LIMS2: variants seen among roughly 807,000 people sequenced by gnomAD.
LIMS2 encodes LIM and senescent cell antigen-like-containing domain protein 2.
Under a neutral mutation model 45.3 loss-of-function variants are expected in LIMS2, and 30 were observed. That is an observed-to-expected ratio of 0.66 (90% confidence interval 0.50 to 0.90). The LOEUF (loss-of-function observed/expected upper bound fraction) is 0.90. Ranked by LOEUF, LIMS2 falls within the 40% of genes least tolerant of loss-of-function variation. The pLI is 0.00. For missense variants in LIMS2, 485 were observed against 468.7 expected, an observed-to-expected ratio of 1.03 and a Z score of -0.32; for synonymous variants, 173 against 188.0, an observed-to-expected ratio of 0.92 and a Z score of 0.65.
In LIMS2 at chr2:127,675,118, G is replaced by C; in HGVS notation, c.-94C>G. ...AGCCGAGCGCCCGCCCGCCAGCCCG[G>C]GCCGCGGAGCAGGGAGACGCCCAAA... On this transcript the variant is annotated 5_prime_UTR_variant, in exon 1 of 10. Transcript: ENST00000355119. 1 of 1,182,116 alleles carries C rather than the reference G, an allele frequency of 8.5e-7. No individual in the cohort carries two copies. The highest frequency in any genetic ancestry group is 1.6e-5 in the African/African-American group (1 of 63,332). 73.2% of individuals were successfully genotyped at this position (1,182,116 alleles called of 1,614,324 possible). A position where few individuals can be genotyped will look rare whatever the true frequency, so the allele number is the denominator to read the frequency against.
At position 127,664,265 on chromosome 2, in the gene LIMS2, G is replaced by A. The variant is rs1019831924; in HGVS notation, c.12-6703C>T. Reference sequence around the variant, plus strand: ...GCCTGCCCTGCCGCCGCAGCTTTCCGGCCATTGTCCCCGCCACCCGCCCCG... The same window carrying A: ...GCCTGCCCTGCCGCCGCAGCTTTCCAGCCATTGTCCCCGCCACCCGCCCCG... On this transcript the variant is annotated intron_variant, in intron 1 of 9. Transcript: ENST00000355119. The surrounding 1 kb of genome is among the most constrained non-coding windows in gnomAD (Gnocchi z 5.5). The A allele has an allele frequency of 1.1e-4, 132 of 1,228,640 alleles. No individual in the cohort carries two copies. The highest frequency in any genetic ancestry group is 2.6e-4 in the Admixed American group (6 of 23,528). The allele number at this position is 1,228,640 out of a possible 1,614,324, so 76.1% of individuals were successfully genotyped here.
At chr2:127,681,389 G>A (rs1350146608) in exon 1 of LIMS2, 1 of 152,654 alleles carries the variant, frequency 6.6e-6, no homozygotes, top group Admixed American at 6.5e-5. Context: ...CAACTTCTCT[G>A]AGGGAAATAG....
chr2:127,659,995 G>A (rs1291834159), intron 1 of LIMS2, among the ~76,000 whole-genome samples: 3 of 152,032 alleles, frequency 2.0e-5, no homozygotes, highest in Admixed American at 1.3e-4. Context: ...TTCCTCCCTC[G>A]CCGTTTCATA....
chr2:127,660,671 C>G (rs1200872354), intron 1 of LIMS2, among the ~76,000 whole-genome samples: 3 of 151,094 alleles, frequency 2.0e-5, no homozygotes. Flanking sequence ...AACTGTAACA[C>G]TCACCGTGAG....
chr2:127,661,843 A>C (rs911602586), intron 1 of LIMS2, among the ~76,000 whole-genome samples: 2 of 152,190 alleles, frequency 1.3e-5, no homozygotes, highest in African/African-American at 4.8e-5. Flanking sequence ...TGAAGCACAG[A>C]GAGAGTCAGT....
rs559329042 is a variant in LIMS2, at chr2:127,664,766, C to T, written c.12-7204G>A. Among the ~76,000 whole-genome samples, 12 of 152,280 alleles carry T rather than the reference C, an allele frequency of 7.9e-5. No homozygotes were observed. In the South Asian group the frequency reaches 2.1e-3, roughly 26 times the overall value. On this transcript the variant is annotated intron_variant, in intron 1 of 9. Coordinates refer to ENST00000355119, the MANE Select transcript of LIMS2 (RefSeq NM_001161403.3). The surrounding 1 kb of genome is among the most constrained non-coding windows in gnomAD (Gnocchi z 5.5). ...ACCTGCCAGGAGGAAAGCCTGTGCC[C>T]GTGGACACACTGAGGAGGGCAGAGT...
upstream of LIMS2, among the ~76,000 whole-genome samples, chr2:127,677,721 G>A (rs1685534248): frequency 6.6e-6 from 1 of 152,210 alleles, no homozygotes; most frequent in Admixed American, 6.5e-5. The surrounding 1 kb of genome is among the most constrained non-coding windows in gnomAD (Gnocchi z 5.0). Flanking sequence ...CAACACTCTA[G>A]CATCAGCAGG....
intron 1 of LIMS2, among the ~76,000 whole-genome samples, chr2:127,673,162 G>A (rs1390381547): frequency 2.6e-5 from 4 of 152,204 alleles, no homozygotes; most frequent in Non-Finnish European, 5.9e-5. Flanking sequence ...TTGAAGGAGC[G>A]GGTGCATTAC....
At position 127,642,795 on chromosome 2, in the gene LIMS2, C is replaced by G. The variant is rs370715782; in HGVS notation, c.509+128G>C. 9.4e-7 allele frequency: 1 copy of G among 1,066,554 alleles called. No homozygotes were observed. The allele number at this position is 1,066,554 out of a possible 1,614,324, so 66.1% of individuals were successfully genotyped here. A position where few individuals can be genotyped will look rare whatever the true frequency, so the allele number is the denominator to read the frequency against. ...GCCCTGCAGCCTTGCTCTCGGGACCCCTCTGTCTGCCCACCCTGCTCCCCT... is the reference window on the plus strand; with the variant it reads ...GCCCTGCAGCCTTGCTCTCGGGACCGCTCTGTCTGCCCACCCTGCTCCCCT... On this transcript the variant is annotated intron_variant, in intron 5 of 9. Transcript: ENST00000355119. This position sits in a 1 kb window ranked among gnomAD's most constrained non-coding sequence, Gnocchi z 5.3.
chr2:127,671,974 G>A lies in LIMS2; in HGVS notation c.11+3040C>T, dbSNP rs1015714910. 1.2e-4 allele frequency among the ~76,000 whole-genome samples: 19 copies of A among 152,372 alleles called. No homozygotes were observed. The highest frequency in any genetic ancestry group is 4.3e-4 in the African/African-American group (18 of 41,592). ...CACCGGGCACACTCCTCACCCGGAG[G>A]AGGGGCAAGATTGGTGGATATGAGG... On this transcript the variant is annotated intron_variant, in intron 1 of 9. Transcript: ENST00000355119. This position sits in a 1 kb window ranked among gnomAD's most constrained non-coding sequence, Gnocchi z 4.1.
In LIMS2 at chr2:127,653,152, C is replaced by G. The variant is rs542220981; in HGVS notation, c.359+1272G>C. Among the ~76,000 whole-genome samples the G allele has an allele frequency of 2.6e-5, 4 of 152,330 alleles. No homozygotes were observed. In the East Asian group the frequency reaches 7.7e-4, roughly 29 times the overall value. On this transcript the variant is annotated intron_variant, in intron 4 of 9. Transcript: ENST00000355119. This position sits in a 1 kb window ranked among gnomAD's most constrained non-coding sequence, Gnocchi z 5.3. ...AGGACAGTGGGCCGGACGCCAGGCC[C>G]CAGGCCACGTGCCTCTCTCACGGGC...
In LIMS2 at chr2:127,653,013, C is replaced by CAG. The variant is rs1473319958; in HGVS notation, c.359+1410_359+1411insCT. Among the ~76,000 whole-genome samples the CAG allele has an allele frequency of 1.7e-4, 26 of 152,260 alleles. No individual in the cohort carries two copies. Among genetic ancestry groups the CAG allele is most frequent in the Non-Finnish European group, 2.9e-4 (20 of 68,050 alleles). On this transcript the variant is annotated intron_variant, in intron 4 of 9. Coordinates refer to ENST00000355119, the MANE Select transcript of LIMS2 (RefSeq NM_001161403.3). The surrounding 1 kb of genome is among the most constrained non-coding windows in gnomAD (Gnocchi z 5.3). ...CTCGCTCCACACACCCTGTCGGCGA[C>CAG]GTTGCTGGTCAGCACGAGCTCCTGG...
Position 127,675,175 on chromosome 2 carries a change from G to A in LIMS2, c.-151C>T, listed in dbSNP as rs1685454848. ...CAAGAGCCGCTCCGCCCGCGAGAGGGGTGGGCGGGGGTGGCAGGGTGGGGC... is the reference window on the plus strand; with the variant it reads ...CAAGAGCCGCTCCGCCCGCGAGAGGAGTGGGCGGGGGTGGCAGGGTGGGGC... On this transcript the variant is annotated 5_prime_UTR_variant, in exon 1 of 10. Coordinates refer to ENST00000355119, the MANE Select transcript of LIMS2 (RefSeq NM_001161403.3). The A allele has an allele frequency of 1.7e-6, 1 of 577,330 alleles. No homozygotes were observed. Among genetic ancestry groups the A allele is most frequent in the Non-Finnish European group, 2.5e-6 (1 of 395,436 alleles). The allele number at this position is 577,330 out of a possible 1,614,324, so 35.8% of individuals were successfully genotyped here.
rs371194243 is a variant in LIMS2, at chr2:127,657,394, T to C, written c.171+9A>G. The C allele has an allele frequency of 1.5e-5, 24 of 1,613,560 alleles. No individual in the cohort carries two copies. The highest frequency in any genetic ancestry group is 2.0e-5 in the Non-Finnish European group (24 of 1,179,978). On this transcript the variant is annotated intron_variant, in intron 2 of 9. Transcript: ENST00000355119. ...CTGGGTCTGAGAAAGCCCTCAGTAG[T>C]GTCCTCACCTCATAGAAGAGCCCCT...
At chr2:127,656,072 G>A (rs1468841257) in intron 2 of LIMS2, 1 of 152,250 alleles carries the variant, frequency 6.6e-6, no homozygotes, top group Admixed American at 6.5e-5. Flanking sequence ...ACAATGGACA[G>A]AAATAACCCC....
Position 127,642,878 on chromosome 2 carries a change from C to T in LIMS2, c.509+45G>A, listed in dbSNP as rs1682575754. 6.5e-7 allele frequency: 1 copy of T among 1,541,230 alleles called. No homozygotes were observed. Among genetic ancestry groups the T allele is most frequent in the Non-Finnish European group, 8.8e-7 (1 of 1,140,762 alleles). On this transcript the variant is annotated intron_variant, in intron 5 of 9. Transcript: ENST00000355119. The surrounding 1 kb of genome is among the most constrained non-coding windows in gnomAD (Gnocchi z 5.3). Reference sequence around the variant, plus strand: ...CCACCGCCCTTACCCTGGGCCAGCCCTGGCTCCCCGCCCCCACAACTGCAG... The same window carrying T: ...CCACCGCCCTTACCCTGGGCCAGCCTTGGCTCCCCGCCCCCACAACTGCAG...
Position 127,675,096 on chromosome 2 carries a change from C to T in LIMS2, c.-72G>A. On this transcript the variant is annotated 5_prime_UTR_variant, in exon 1 of 10. Transcript: ENST00000355119. The stretch of plus-strand genomic sequence containing the variant: ...TCCCTCTGCTGCTGCAGCCGCCAGC[C>T]GAGCGCCCGCCCGCCAGCCCGGGCC... 8.2e-7 allele frequency: 1 copy of T among 1,215,730 alleles called. No homozygotes were observed. 75.3% of individuals were successfully genotyped at this position (1,215,730 alleles called of 1,614,324 possible).
intron 4 of LIMS2, chr2:127,652,473 C>T (rs936774795): frequency 5.4e-5 from 9 of 167,030 alleles, no homozygotes; most frequent in African/African-American, 2.2e-4. Context: ...CAGCTCAGGC[C>T]AGGGCTGGGC....
intron 1 of LIMS2, among the ~76,000 whole-genome samples, chr2:127,670,681 A>T (rs1268128945): frequency 3.3e-5 from 5 of 152,232 alleles, no homozygotes; most frequent in African/African-American, 1.2e-4. Flanking sequence ...ATGCAACTAC[A>T]TGGCTTCTTA....
Sources: allele counts gnomAD v4.1 joint callset (sites outside exome capture counted in the v4.1 genomes callset), GRCh38; gene constraint gnomAD v4.1.1; non-coding constraint Gnocchi (gnomAD v3.1); transcripts MANE v1.5; gene names NCBI Gene and HGNC (gene_info 2026-07-23, HGNC 2026-07-21).